Variants in GREB1L observed in about 807,000 individuals in gnomAD.
The protein encoded by GREB1L is GREB1 like retinoic acid receptor coactivator.
In GREB1L, 17 loss-of-function variants were observed where a neutral mutation model predicts 200.8. The observed-to-expected ratio is 0.08, with a 90% confidence interval of 0.06 to 0.13. GREB1L has a LOEUF of 0.13. Among genes scored for constraint, GREB1L ranks in the 10% least tolerant of loss-of-function variants. The pLI is 1.00. For synonymous variants in GREB1L, 789 were observed against 893.0 expected, an observed-to-expected ratio of 0.88 and a Z score of 2.08; for missense variants, 1,657 against 2,367.7, an observed-to-expected ratio of 0.70 and a Z score of 6.23.
chr18:21,495,723 A>G lies in GREB1L; in HGVS notation c.3084A>G (p.Leu1028=). The G allele has an allele frequency of 6.5e-7, 1 of 1,548,802 alleles. No homozygotes were observed. Among genetic ancestry groups the G allele is most frequent in the African/African-American group, 1.4e-5 (1 of 73,078 alleles). ...GGATCCCTCGGACATACCAAGATTT[A>G]GACGGTCTACCTTGTATTGTGATAT... ...EEWIPRTYQD[L]DGLPCIVILT... is the part of the protein sequence containing the mutation. The change falls in exon 20 of 33, where the codon TTA becomes TTG. Residue 1028 remains leucine, a synonymous_variant. Coordinates refer to ENST00000424526, the MANE Select transcript of GREB1L (RefSeq NM_001142966.3).
chr18:21,454,485 A>C lies in GREB1L; in HGVS notation c.2104A>C (p.Ser702Arg). 1 of 1,551,670 alleles carries C rather than the reference A, an allele frequency of 6.4e-7. No homozygotes were observed. The highest frequency in any genetic ancestry group is 8.7e-7 in the Non-Finnish European group (1 of 1,146,970). ...CCAGAGCCTGGACCTCGGTCACTTCAGCAAAGTAGACTTCATCATCATTGT... is the reference window on the plus strand; with the variant it reads ...CCAGAGCCTGGACCTCGGTCACTTCCGCAAAGTAGACTTCATCATCATTGT... ...GSQSLDLGHF[S>R]KVDFIIIVPR... Residue 702 changes from serine (S) to arginine (R), a missense_variant, in exon 15 of 33, where the codon AGC becomes CGC. Around this residue, in one of 9 missense-constraint regions of GREB1L, gnomAD observed 239 missense variants for 421.8 expected, o/e 0.57. Coordinates refer to ENST00000424526, the MANE Select transcript of GREB1L (RefSeq NM_001142966.3).
At chr18:21,336,915 T>C in intron 1 of GREB1L, among the ~76,000 whole-genome samples, 1 of 152,204 alleles carries the variant, frequency 6.6e-6, no homozygotes. Flanking sequence ...ACTCTTCTCC[T>C]TTCTGGTTTA....
At chr18:21,311,630 C>T (rs993225600) in intron 1 of GREB1L, among the ~76,000 whole-genome samples, 4 of 152,144 alleles carry the variant, frequency 2.6e-5, no homozygotes, top group African/African-American at 9.7e-5. Context: ...TCTAAAGATA[C>T]TATGCGCTGC....
intron 4 of GREB1L, among the ~76,000 whole-genome samples, chr18:21,387,318 CT>C (rs986088854): frequency 6.6e-6 from 1 of 152,184 alleles, no homozygotes; most frequent in Non-Finnish European, 1.5e-5. Context: ...GAAGTGAAAT[CT>C]TTGGCTGTTT....
chr18:21,511,031 T>TA (rs1160825987), intron 27 of GREB1L, among the ~76,000 whole-genome samples: 2 of 152,154 alleles, frequency 1.3e-5, no homozygotes, highest in Non-Finnish European at 2.9e-5. Flanking sequence ...TAGCAGTTTT[T>TA]AAAAAATATA....
chr18:21,442,199 T>C (rs1386635210), intron 10 of GREB1L, among the ~76,000 whole-genome samples: 2 of 152,164 alleles, frequency 1.3e-5, no homozygotes, highest in Non-Finnish European at 2.9e-5. Flanking sequence ...GTGCTTTTCA[T>C]ACCCATTTCA....
intron 32 of GREB1L, among the ~76,000 whole-genome samples, chr18:21,522,265 G>A (rs939830724): frequency 6.6e-6 from 1 of 151,930 alleles, no homozygotes; most frequent in African/African-American, 2.4e-5. Context: ...GAGGTCAGGA[G>A]ATCGAGACCA....
At chr18:21,405,317 A>G (rs2030055923) in intron 7 of GREB1L, among the ~76,000 whole-genome samples, 1 of 152,210 alleles carries the variant, frequency 6.6e-6, no homozygotes, top group Non-Finnish European at 1.5e-5. Context: ...CTCTTAGAAT[A>G]TCATTTATGT....
chr18:21,274,629 C>A (rs2038132373), intron 1 of GREB1L, among the ~76,000 whole-genome samples: 1 of 152,112 alleles, frequency 6.6e-6, no homozygotes, highest in Non-Finnish European at 1.5e-5. Flanking sequence ...CACAATGACA[C>A]ATGCCTGTAA....
intron 1 of GREB1L, among the ~76,000 whole-genome samples, chr18:21,319,377 T>G (rs2038918348): frequency 1.3e-5 from 2 of 152,248 alleles, no homozygotes; most frequent in Admixed American, 1.3e-4. Context: ...TAAAAGGCTT[T>G]TCCTATTATT....
chr18:21,457,967 T>G (rs1298024620), intron 15 of GREB1L, among the ~76,000 whole-genome samples: 3 of 149,562 alleles, frequency 2.0e-5, no homozygotes, highest in Non-Finnish European at 4.5e-5. Flanking sequence ...AAGGACAGTT[T>G]TTTTTTTTTT....
intron 1 of GREB1L, among the ~76,000 whole-genome samples, chr18:21,340,191 G>T (rs2039247266): frequency 6.6e-6 from 1 of 152,144 alleles, no homozygotes; most frequent in Admixed American, 6.5e-5. Context: ...GCTGAGGCGG[G>T]CAGATCATAA....
At chr18:21,269,998 A>T (rs1227301004) in intron 1 of GREB1L, among the ~76,000 whole-genome samples, 1 of 152,214 alleles carries the variant, frequency 6.6e-6, no homozygotes, top group Non-Finnish European at 1.5e-5. Context: ...TGCATTCTAC[A>T]CCTGTTTCCC....
At chr18:21,490,402 T>G (rs2036286448) in intron 19 of GREB1L, 51 bp downstream of exon 19, 9 of 1,477,934 alleles carry the variant, frequency 6.1e-6, no homozygotes, top group Non-Finnish European at 8.2e-6. Context: ...GTTTCTCTTT[T>G]CTAGGAATCC....
intron 7 of GREB1L, among the ~76,000 whole-genome samples, chr18:21,412,386 C>T (rs2031156529): frequency 6.6e-6 from 1 of 152,050 alleles, no homozygotes; most frequent in African/African-American, 2.4e-5. Context: ...GCACTCCAGC[C>T]TGGGCAACAG....
At chr18:21,316,483 A>G (rs1330950627) in intron 1 of GREB1L, among the ~76,000 whole-genome samples, 1 of 152,158 alleles carries the variant, frequency 6.6e-6, no homozygotes, top group East Asian at 1.9e-4. Context: ...ACGCATTTCA[A>G]AGGCACCTGA....
chr18:21,376,429 A>G (rs920839176), intron 2 of GREB1L, among the ~76,000 whole-genome samples: 1 of 151,022 alleles, frequency 6.6e-6, no homozygotes, highest in Non-Finnish European at 1.5e-5. Context: ...TTTTTAAGAA[A>G]AAAAAAAAAA....
At chr18:21,332,676 T>C (rs1267023413) in intron 1 of GREB1L, among the ~76,000 whole-genome samples, 2 of 152,076 alleles carry the variant, frequency 1.3e-5, no homozygotes, top group Non-Finnish European at 2.9e-5. Flanking sequence ...GTTTTCACCA[T>C]GTTGCCCAGG....
intron 7 of GREB1L, among the ~76,000 whole-genome samples, chr18:21,405,421 G>A (rs553367726): frequency 5.3e-5 from 8 of 152,280 alleles, no homozygotes; most frequent in African/African-American, 1.4e-4. Flanking sequence ...CAACAAAAAC[G>A]TATCAAGTGT....
Sources: allele counts gnomAD v4.1 joint callset (sites outside exome capture counted in the v4.1 genomes callset), GRCh38; gene constraint gnomAD v4.1.1; regional missense constraint gnomAD v4.1.1; transcripts MANE v1.5; gene names NCBI Gene and HGNC (gene_info 2026-07-23, HGNC 2026-07-21).